CPLANE1: variants seen among roughly 807,000 people sequenced by gnomAD.
The protein encoded by CPLANE1 is ciliogenesis and planar polarity effector 1.
In CPLANE1, 263 loss-of-function variants were observed where a neutral mutation model predicts 362.5. The observed-to-expected ratio is 0.73, with a 90% CI of 0.66 to 0.80. The LOEUF (loss-of-function observed/expected upper bound fraction) is 0.80, where lower values mean the gene tolerates loss of function less well. Ranked by LOEUF, CPLANE1 falls within the 30% of genes least tolerant of loss-of-function variation. CPLANE1 has a pLI of 0.00. For missense variants in CPLANE1, 3,461 were observed against 3,793.4 expected, an observed-to-expected ratio of 0.91 and a Z score of 2.30; for synonymous variants, 1,212 against 1,302.6, an observed-to-expected ratio of 0.93 and a Z score of 1.50.
the CPLANE1 span, chr5:37,085,179 C>T: frequency 1.2e-6 from 1 of 813,238 alleles, no homozygotes; most frequent in Non-Finnish European, 2.2e-6. Flanking sequence ...GAGAGAGTGT[C>T]TCCCCCTCAT....
chr5:37,188,522 T>C (rs76095102), intron 21 of CPLANE1, among the ~76,000 whole-genome samples: 278 of 152,296 alleles, frequency 1.8e-3, no homozygotes, highest in African/African-American at 6.5e-3. Context: ...CCAGCCTCCA[T>C]GTTGGCATGG....
At chr5:37,124,423 C>T (rs190083235) in intron 47 of CPLANE1, among the ~76,000 whole-genome samples, 45 of 152,106 alleles carry the variant, frequency 3.0e-4, no homozygotes, top group South Asian at 1.2e-3. Context: ...GTTTTAAAAA[C>T]AGTTAAAAAA....
In CPLANE1 at chr5:37,132,337, G is replaced by GTTTT. The variant is rs70976278; in HGVS notation, c.8792+6379_8792+6382dup. 4.1e-3 allele frequency among the ~76,000 whole-genome samples: 317 copies of GTTTT among 77,730 alleles called. 7 individuals carry two copies. Among genetic ancestry groups the GTTTT allele is most frequent in the African/African-American group, 6.7e-3 (136 of 20,236 alleles). The allele number at this position is 77,730 out of a possible 152,430, so 51.0% of individuals were successfully genotyped here. ...GTTCTTTGCTTATTCGATTGTTCAAGTTTTTTTTTTTTTTTTTTTTTTTTT... is the reference window on the plus strand; with the variant it reads ...GTTCTTTGCTTATTCGATTGTTCAAGTTTTTTTTTTTTTTTTTTTTTTTTTTTTT... On this transcript the variant is annotated intron_variant, in intron 46 of 52. Transcript: ENST00000651892.
At chr5:37,208,955 A>G (rs1263800519) in intron 16 of CPLANE1, among the ~76,000 whole-genome samples, 4 of 151,528 alleles carry the variant, frequency 2.6e-5, no homozygotes, top group Admixed American at 1.3e-4. Flanking sequence ...AAAAGAAAAG[A>G]AAAAAAGAAA....
At chr5:37,224,106 T>C in intron 14 of CPLANE1, 147 bp downstream of exon 14, 1 of 550,358 alleles carries the variant, frequency 1.8e-6, no homozygotes. Flanking sequence ...AATTTAGAAT[T>C]ATTTTTAAGG....
In CPLANE1 at chr5:37,198,774, C is replaced by A; in HGVS notation, c.3600G>T (p.Ala1200=). The change falls in exon 20 of 53, where the codon GCG becomes GCT. Residue 1200 remains alanine, a synonymous_variant. Transcript: ENST00000651892. ...GTGCTACAGGAAAAGAACACTGAGC[C>A]GCCCGGAAAAGCAGGAGAACACGCT... ...ILQRVLLLFR[A]AQCSFPVAQW... 1 of 1,614,060 alleles carries A rather than the reference C, an allele frequency of 6.2e-7. No homozygotes were observed. Among genetic ancestry groups the A allele is most frequent in the Non-Finnish European group, 8.5e-7 (1 of 1,180,010 alleles).
intron 50 of CPLANE1, among the ~76,000 whole-genome samples, chr5:37,115,748 C>T (rs996689892): frequency 6.6e-6 from 1 of 151,660 alleles, no homozygotes; most frequent in African/African-American, 2.4e-5. Flanking sequence ...AGGCACACAC[C>T]ACCATGCCTG....
At chr5:37,221,220 G>A (rs1460963110) in intron 15 of CPLANE1, 104 bp downstream of exon 15, 2 of 651,152 alleles carry the variant, frequency 3.1e-6, no homozygotes, top group Non-Finnish European at 5.1e-6. Flanking sequence ...TGAGGCGGCT[G>A]AGGTAGAAGG....
chr5:37,099,688 C>A, the CPLANE1 span, among the ~76,000 whole-genome samples: 1 of 152,170 alleles, frequency 6.6e-6, no homozygotes, highest in Non-Finnish European at 1.5e-5. Flanking sequence ...AATGGTATTT[C>A]TACCTCTATC....
chr5:37,197,898 G>A (rs74866547), intron 20 of CPLANE1, among the ~76,000 whole-genome samples: 2,683 of 151,872 alleles, frequency 0.018, 98 homozygotes, highest in African/African-American at 0.061. Flanking sequence ...CCCTAACCCC[G>A]GCAACCAACC....
At position 37,169,024 on chromosome 5, in the gene CPLANE1, C is replaced by T; in HGVS notation, c.7000G>A (p.Val2334Met). ...AATAGTTTTTCTGGTTTTATAAACA[C>T]TGAAGAGTCCTGTTGAGGTGTCAAA... ...ENLTPQQDSS[V>M]FIKPEKLFDV... is the part of the protein sequence containing the mutation. The change falls in exon 34 of 53, where the codon GTG becomes ATG. Residue 2334 changes from valine to methionine, a missense_variant. Val to Met is a conservative substitution (Grantham distance 21, BLOSUM62 1). This residue lies in a region of CPLANE1 where 3,380 missense variants were observed against 3,666.1 expected (regional missense o/e 0.92). Coordinates refer to ENST00000651892, the MANE Select transcript of CPLANE1 (RefSeq NM_001384732.1). 6.2e-7 allele frequency: 1 copy of T among 1,614,140 alleles called. No individual in the cohort carries two copies. Among genetic ancestry groups the T allele is most frequent in the Non-Finnish European group, 8.5e-7 (1 of 1,180,026 alleles).
intron 17 of CPLANE1, among the ~76,000 whole-genome samples, chr5:37,205,869 C>T (rs1268156085): frequency 1.3e-5 from 2 of 152,264 alleles, no homozygotes; most frequent in South Asian, 4.2e-4. Flanking sequence ...ACGATCATCG[C>T]CCCTGGCTAT....
chr5:37,175,682 G>A (rs540421292), intron 31 of CPLANE1, among the ~76,000 whole-genome samples: 1 of 152,262 alleles, frequency 6.6e-6, no homozygotes, highest in East Asian at 1.9e-4. Flanking sequence ...GTTCAACATA[G>A]TTCCTGTGTA....
At chr5:37,212,523 A>C in intron 16 of CPLANE1, 1 of 557,526 alleles carries the variant, frequency 1.8e-6, no homozygotes, top group Non-Finnish European at 3.3e-6. Context: ...AGAAACTACA[A>C]ATGTTTTCGT....
intron 16 of CPLANE1, chr5:37,211,870 C>T (rs1397644814): frequency 1.3e-6 from 1 of 789,064 alleles, no homozygotes; most frequent in South Asian, 1.3e-5. Flanking sequence ...CGGAATGTGC[C>T]AAGGCAGTTT....
intron 4 of CPLANE1, among the ~76,000 whole-genome samples, 181 bp downstream of exon 4, chr5:37,245,298 T>C (rs1379832199): frequency 7.4e-3 from 1 of 136 alleles, no homozygotes; most frequent in African/African-American, 0.05. Context: ...TAACCAAAAC[T>C]ATATATATAT....
intron 8 of CPLANE1, among the ~76,000 whole-genome samples, chr5:37,232,466 G>A (rs1797921693): frequency 6.7e-6 from 1 of 149,370 alleles, no homozygotes; most frequent in South Asian, 2.1e-4. Context: ...GCAGTGAGAC[G>A]AGATCGCACT....
intron 6 of CPLANE1, among the ~76,000 whole-genome samples, 179 bp downstream of exon 6, chr5:37,242,834 T>A (rs1362495560): frequency 6.7e-6 from 1 of 150,192 alleles, no homozygotes; most frequent in Non-Finnish European, 1.5e-5. Context: ...CAAGAACTTG[T>A]CTGTTAAAAA....
intron 16 of CPLANE1, among the ~76,000 whole-genome samples, chr5:37,207,108 T>C (rs760311274): frequency 1.3e-5 from 2 of 152,238 alleles, no homozygotes; most frequent in African/African-American, 2.4e-5. Flanking sequence ...CCCCCTGGCC[T>C]TCTGTCCCTT....
Sources: allele counts gnomAD v4.1 joint callset (sites outside exome capture counted in the v4.1 genomes callset), GRCh38; gene constraint gnomAD v4.1.1; regional missense constraint gnomAD v4.1.1; transcripts MANE v1.5; gene names NCBI Gene and HGNC (gene_info 2026-07-23, HGNC 2026-07-21).